Variants in MALRD1 observed in about 807,000 individuals in gnomAD.
The protein encoded by MALRD1 is MAM and LDL-receptor class A domain-containing protein 1.
Under a neutral mutation model 242.1 loss-of-function variants are expected in MALRD1, and 247 were observed. The ratio of observed to expected loss-of-function variants is 1.02; its 90% CI spans 0.92 to 1.13. MALRD1 has a LOEUF of 1.13. MALRD1 is among the 50% of genes most tolerant of loss of function. The pLI is 0.00. For missense variants in MALRD1, 2,989 were observed against 2,533.1 expected (o/e 1.18, Z -3.86); for synonymous variants, 995 against 866.6 (o/e 1.15, Z -2.60).
At chr10:19,086,215 G>C (rs1835663899) in intron 2 of MALRD1, among the ~76,000 whole-genome samples, 1 of 152,036 alleles carries the variant, frequency 6.6e-6, no homozygotes, top group Non-Finnish European at 1.5e-5. Flanking sequence ...TTTTGGAATA[G>C]GAGTAGGGAA....
intron 38 of MALRD1, among the ~76,000 whole-genome samples, chr10:19,720,380 G>C (rs985647283): frequency 2.0e-5 from 3 of 152,106 alleles, no homozygotes; most frequent in African/African-American, 7.2e-5. Flanking sequence ...TTAGGGACTT[G>C]TTACTTTGTT....
At chr10:19,502,449 A>G (rs1403268204) in intron 31 of MALRD1, among the ~76,000 whole-genome samples, 2 of 152,188 alleles carry the variant, frequency 1.3e-5, no homozygotes, top group Non-Finnish European at 2.9e-5. Flanking sequence ...GTAGTGAAGT[A>G]TCTTGCACAG....
intron 36 of MALRD1, among the ~76,000 whole-genome samples, chr10:19,624,468 A>C (rs367759791): frequency 6.6e-6 from 1 of 152,128 alleles, no homozygotes; most frequent in African/African-American, 2.4e-5. Flanking sequence ...TAACCTAAAA[A>C]GTGTGTTATT....
intron 32 of MALRD1, among the ~76,000 whole-genome samples, chr10:19,561,466 T>C (rs2131440143): frequency 6.6e-6 from 1 of 152,334 alleles, no homozygotes; most frequent in Non-Finnish European, 1.5e-5. Context: ...AATTGGCAAG[T>C]ATTTCCCTTT....
intron 31 of MALRD1, among the ~76,000 whole-genome samples, chr10:19,500,555 G>C (rs927112331): frequency 1.3e-5 from 2 of 152,120 alleles, no homozygotes; most frequent in Admixed American, 6.5e-5. Flanking sequence ...AAAACAGAGA[G>C]TAAACTGTGT....
chr10:19,699,183 A>G (rs1013524042), intron 38 of MALRD1, among the ~76,000 whole-genome samples: 3 of 151,288 alleles, frequency 2.0e-5, no homozygotes, highest in Non-Finnish European at 4.4e-5. Flanking sequence ...CGTTCTGCAG[A>G]TGTATCCCAG....
chr10:19,173,606 C>G (rs1835102505), intron 13 of MALRD1, among the ~76,000 whole-genome samples: 1 of 152,128 alleles, frequency 6.6e-6, no homozygotes, highest in Non-Finnish European at 1.5e-5. Flanking sequence ...CTCTTAAAAT[C>G]TTATACTCCG....
At chr10:19,124,500 C>A (rs1837181810) in intron 6 of MALRD1, 24 bp from the exon 7 acceptor site, 1 of 1,233,422 alleles carries the variant, frequency 8.1e-7, no homozygotes, top group Non-Finnish European at 1.0e-6. Context: ...TAATAGTCCA[C>A]CAAGATCTTT....
At chr10:19,654,495 A>G (rs188596455) in intron 36 of MALRD1, among the ~76,000 whole-genome samples, 5 of 152,188 alleles carry the variant, frequency 3.3e-5, no homozygotes, top group African/African-American at 9.6e-5. Context: ...ACATAGATGA[A>G]TCCAAAAGGA....
intron 13 of MALRD1, among the ~76,000 whole-genome samples, chr10:19,168,064 G>GT (rs1834774918): frequency 6.6e-6 from 1 of 152,202 alleles, no homozygotes; most frequent in Non-Finnish European, 1.5e-5. Flanking sequence ...ATAAATGTTA[G>GT]TGTTCTCTGT....
chr10:19,088,469 C>T (rs535125158), intron 4 of MALRD1, among the ~76,000 whole-genome samples: 76 of 150,266 alleles, frequency 5.1e-4, no homozygotes, highest in East Asian at 2.7e-3. Context: ...TTAATTTTCT[C>T]CTAATTTCTT....
chr10:19,086,522 G>A (rs1001390555), intron 2 of MALRD1, among the ~76,000 whole-genome samples: 1 of 152,072 alleles, frequency 6.6e-6, no homozygotes, highest in African/African-American at 2.4e-5. Context: ...TAAACCATGA[G>A]AGTCCACTGG....
chr10:19,280,508 T>C (rs1381271512), intron 20 of MALRD1, among the ~76,000 whole-genome samples: 1 of 152,216 alleles, frequency 6.6e-6, no homozygotes, highest in East Asian at 1.9e-4. Flanking sequence ...AGTAGCTCTT[T>C]CCATCCATTC....
At chr10:19,576,958 A>C (rs1215402689) in intron 33 of MALRD1, among the ~76,000 whole-genome samples, 1 of 131,492 alleles carries the variant, frequency 7.6e-6, no homozygotes, top group South Asian at 2.3e-4. Flanking sequence ...AAAAATCCAC[A>C]TTGTCGTTTT....
At chr10:19,566,099 T>A (rs1212301429) in intron 32 of MALRD1, among the ~76,000 whole-genome samples, 1 of 151,948 alleles carries the variant, frequency 6.6e-6, no homozygotes, top group African/African-American at 2.4e-5. Context: ...TGTTATTCTT[T>A]CCTTTTTATA....
intron 21 of MALRD1, among the ~76,000 whole-genome samples, chr10:19,320,200 T>C (rs1842865058): frequency 1.3e-5 from 2 of 151,890 alleles, no homozygotes; most frequent in Admixed American, 1.3e-4. Flanking sequence ...TAGGTGTTTG[T>C]CGTGATGCTC....
At chr10:19,538,872 G>C (rs896153426) in intron 32 of MALRD1, among the ~76,000 whole-genome samples, 1 of 151,816 alleles carries the variant, frequency 6.6e-6, no homozygotes, top group Non-Finnish European at 1.5e-5. Flanking sequence ...CCGATAGTTC[G>C]TATTTCAGAA....
chr10:19,238,253 CATAATAT>C lies in MALRD1; in HGVS notation c.2992-19427_2992-19421del, dbSNP rs1461617476. Among the ~76,000 whole-genome samples, 256 of 57,930 alleles carry C rather than the reference CATAATAT, an allele frequency of 4.4e-3. 16 individuals are homozygous for C. The highest frequency in any genetic ancestry group is 0.025 in the Middle Eastern group (1 of 40). 38.0% of individuals were successfully genotyped at this position (57,930 alleles called of 152,430 possible). On this transcript the variant is annotated intron_variant, in intron 18 of 39. Coordinates refer to ENST00000454679, the MANE Select transcript of MALRD1 (RefSeq NM_001142308.3). ...TATATTATATATAATATGTAATATA[CATAATAT>C]ATATTATATATAATATGTAATATAC...
chr10:19,703,826 C>T (rs1219357951), intron 38 of MALRD1, among the ~76,000 whole-genome samples: 1 of 152,050 alleles, frequency 6.6e-6, no homozygotes, highest in African/African-American at 2.4e-5. Flanking sequence ...ACCCAGGAAG[C>T]GGAGGTTGCA....
Sources: gnomAD v4.1 joint callset for allele counts (sites outside exome capture counted in the v4.1 genomes callset) on GRCh38, gnomAD v4.1.1 for gene constraint, MANE v1.5 for transcripts, NCBI Gene and HGNC (gene_info 2026-07-23, HGNC 2026-07-21) for gene names.